Variants in CENPP observed in about 807,000 individuals in gnomAD.
CENPP encodes centromere protein P.
Under a neutral mutation model 35.6 loss-of-function variants are expected in CENPP, and 24 were observed. The observed-to-expected ratio is 0.67, with a 90% CI of 0.49 to 0.95. The LOEUF is 0.95. Among genes scored for constraint, CENPP ranks in the 40% least tolerant of loss-of-function variants. CENPP has a pLI of 0.00. For missense variants in CENPP, 332 were observed against 345.3 expected, an observed-to-expected ratio of 0.96 and a Z score of 0.31; for synonymous variants, 120 against 125.5, an observed-to-expected ratio of 0.96 and a Z score of 0.29.
chr9:92,351,919 C>G (rs1178669900), intron 4 of CENPP, among the ~76,000 whole-genome samples: 2 of 151,976 alleles, frequency 1.3e-5, no homozygotes, highest in Non-Finnish European at 2.9e-5. Context: ...GCCACTGTGC[C>G]TGGCCAGTAT....
At chr9:92,436,605 C>A (rs10453241) in intron 5 of CENPP, among the ~76,000 whole-genome samples, 67,316 of 151,886 alleles carry the variant, frequency 0.44, 17,179 homozygotes, top group African/African-American at 0.7. Flanking sequence ...TTGCTTATGG[C>A]TATTCAATTA....
At chr9:92,353,420 G>A (rs1841513831) in intron 4 of CENPP, among the ~76,000 whole-genome samples, 1 of 152,144 alleles carries the variant, frequency 6.6e-6, no homozygotes, top group Non-Finnish European at 1.5e-5. Flanking sequence ...GTCCTGTTTG[G>A]ATTGGGCTGT....
intron 4 of CENPP, 23 bp downstream of exon 4, chr9:92,345,810 T>C: frequency 1.4e-6 from 2 of 1,438,334 alleles, no homozygotes; most frequent in Non-Finnish European, 1.9e-6. Context: ...ACAAACTTAC[T>C]TTTTTAGAGA....
intron 5 of CENPP, chr9:92,403,316 T>A (rs1843195743): frequency 6.2e-7 from 1 of 1,612,580 alleles, no homozygotes; most frequent in African/African-American, 1.3e-5. Context: ...TCCATAATCA[T>A]AGATAATGCG....
At chr9:92,433,428 C>T (rs1384550797) in intron 5 of CENPP, among the ~76,000 whole-genome samples, 2 of 152,100 alleles carry the variant, frequency 1.3e-5, no homozygotes, top group Non-Finnish European at 2.9e-5. Context: ...GTGAGTCTCC[C>T]TAATTACATT....
At chr9:92,331,719 G>A (rs1213909271) in intron 1 of CENPP, among the ~76,000 whole-genome samples, 3 of 152,228 alleles carry the variant, frequency 2.0e-5, no homozygotes, top group Non-Finnish European at 4.4e-5. Flanking sequence ...CCAGCACGCT[G>A]GGAGACTGAG....
In CENPP at chr9:92,368,247, C is replaced by T. The variant is rs116913820; in HGVS notation, c.468-11516C>T. 3.2e-3 allele frequency among the ~76,000 whole-genome samples: 487 copies of T among 152,244 alleles called. 11 individuals carry two copies. In the East Asian group the frequency reaches 0.033, roughly 10 times the overall value. On this transcript the variant is annotated intron_variant, in intron 4 of 7. Coordinates refer to ENST00000375587, the MANE Select transcript of CENPP (RefSeq NM_001012267.3). ...CATTGTGCACAAACTTTGTTTCACA[C>T]ACAAAATTATTTAAAATATTGTATA... is the stretch of plus-strand genomic sequence containing the variant.
At chr9:92,602,769 C>T (rs1214774852) in intron 5 of CENPP, among the ~76,000 whole-genome samples, 4 of 152,092 alleles carry the variant, frequency 2.6e-5, no homozygotes, top group African/African-American at 7.2e-5. Context: ...GCGGTGTGAA[C>T]AGGCGGCAGC....
chr9:92,592,372 G>A (rs1468085988), intron 5 of CENPP, among the ~76,000 whole-genome samples: 1 of 152,152 alleles, frequency 6.6e-6, no homozygotes, highest in Non-Finnish European at 1.5e-5. Context: ...AGAACCTGAT[G>A]TGTATGAAAT....
intron 5 of CENPP, among the ~76,000 whole-genome samples, chr9:92,510,913 T>A (rs182307995): frequency 6.6e-6 from 1 of 152,286 alleles, no homozygotes; most frequent in African/African-American, 2.4e-5. Context: ...AGACTCCAGA[T>A]AAGAAACAGG....
chr9:92,330,506 G>A (rs1588029052), intron 1 of CENPP, among the ~76,000 whole-genome samples: 1 of 152,002 alleles, frequency 6.6e-6, no homozygotes, highest in East Asian at 1.9e-4. Flanking sequence ...TGAGAATTGG[G>A]ATAATTATGC....
intron 5 of CENPP, among the ~76,000 whole-genome samples, chr9:92,453,707 C>T (rs561974551): frequency 1.3e-5 from 2 of 152,088 alleles, no homozygotes; most frequent in South Asian, 4.2e-4. Flanking sequence ...ACAAGGATAC[C>T]CAGGAATTGA....
intron 5 of CENPP, chr9:92,517,550 A>T: frequency 1.7e-6 from 2 of 1,144,408 alleles, no homozygotes; most frequent in Non-Finnish European, 2.5e-6. Context: ...TTTCTATGTT[A>T]ATCAGCATTT....
rs140315300 is a variant in CENPP, at chr9:92,586,449, G to A, written c.565-24865G>A. 1.4e-4 allele frequency among the ~76,000 whole-genome samples: 22 copies of A among 152,250 alleles called. 1 individual carries two copies. The highest frequency in any genetic ancestry group is 5.1e-4 in the African/African-American group (21 of 41,560). On this transcript the variant is annotated intron_variant, in intron 5 of 7. Coordinates refer to ENST00000375587, the MANE Select transcript of CENPP (RefSeq NM_001012267.3). The stretch of plus-strand genomic sequence containing the variant: ...CCAAAAACCCTCGAAGGAGGAGGCT[G>A]GGGGAAGTTTCTTGGGGAACAGAGG...
At chr9:92,454,776 C>G (rs1844825162) in intron 5 of CENPP, among the ~76,000 whole-genome samples, 1 of 152,162 alleles carries the variant, frequency 6.6e-6, no homozygotes, top group Admixed American at 6.5e-5. Flanking sequence ...GAGGTGGTAA[C>G]TTGCCCAAGA....
chr9:92,329,364 T>G (rs867439046), intron 1 of CENPP, among the ~76,000 whole-genome samples: 1 of 151,982 alleles, frequency 6.6e-6, no homozygotes, highest in African/African-American at 2.4e-5. Context: ...TTTTGTATTT[T>G]TACTAGAGAT....
At chr9:92,371,234 A>G (rs1841997898) in intron 4 of CENPP, among the ~76,000 whole-genome samples, 1 of 152,064 alleles carries the variant, frequency 6.6e-6, no homozygotes. Flanking sequence ...TACCTTCTGG[A>G]TGTCAGCATT....
At chr9:92,607,529 T>C (rs576797177) in intron 5 of CENPP, among the ~76,000 whole-genome samples, 8 of 152,312 alleles carry the variant, frequency 5.3e-5, no homozygotes, top group South Asian at 4.1e-4. Flanking sequence ...CTAGTACCCA[T>C]TGAATTATAC....
rs757938233 is a variant in CENPP, at chr9:92,401,043, A to G, written c.564+21184A>G. The G allele has an allele frequency of 9.3e-6, 8 of 862,520 alleles. No homozygotes were observed. In the East Asian group the frequency reaches 2.0e-4, roughly 21 times the overall value. The allele number at this position is 862,520 out of a possible 1,614,324, so 53.4% of individuals were successfully genotyped here. On this transcript the variant is annotated intron_variant, in intron 5 of 7. Coordinates refer to ENST00000375587, the MANE Select transcript of CENPP (RefSeq NM_001012267.3). ...ATTACCACAAGGAATAAAGTCCATT[A>G]TAGCTATTTTTAAAAGATCCATTTG...
Sources: gnomAD v4.1 joint callset for allele counts (sites outside exome capture counted in the v4.1 genomes callset) on GRCh38, gnomAD v4.1.1 for gene constraint, MANE v1.5 for transcripts, NCBI Gene and HGNC (gene_info 2026-07-23, HGNC 2026-07-21) for gene names.